Variants in SHQ1 observed in about 807,000 individuals in gnomAD.
SHQ1 encodes protein SHQ1 homolog.
A neutral mutation model predicts 53.8 loss-of-function variants in SHQ1; 49 were observed. The observed-to-expected ratio is 0.91, with a 90% CI of 0.72 to 1.16. The LOEUF (loss-of-function observed/expected upper bound fraction) is 1.16. Ranked by LOEUF, SHQ1 falls within the 50% of genes most tolerant of loss-of-function variation. The probability of loss-of-function intolerance (pLI) is 0.00; values close to 1 mark genes in which losing one functional copy is unlikely to be tolerated. For synonymous variants in SHQ1, 243 were observed against 251.0 expected, an observed-to-expected ratio of 0.97 and a Z score of 0.30; for missense variants, 738 against 683.1, an observed-to-expected ratio of 1.08 and a Z score of -0.90.
intron 1 of SHQ1, among the ~76,000 whole-genome samples, chr3:72,844,637 CT>C (rs1708276516): frequency 6.6e-6 from 1 of 152,112 alleles, no homozygotes; most frequent in African/African-American, 2.4e-5. Context: ...TTGAATACCC[CT>C]AGTCACCAAC....
At chr3:72,740,610 T>A in the SHQ1 span, among the ~76,000 whole-genome samples, 2 of 152,224 alleles carry the variant, frequency 1.3e-5, no homozygotes, top group African/African-American at 4.8e-5. Context: ...GGGAACTGGA[T>A]GTCCTCTGAG....
chr3:72,785,082 T>A (rs1478277914), intron 10 of SHQ1, among the ~76,000 whole-genome samples: 1 of 152,194 alleles, frequency 6.6e-6, no homozygotes. Context: ...CTATCCCCAC[T>A]GAAAGTAAAG....
In SHQ1 at chr3:72,811,172, TGTGA is replaced by T. The variant is rs564216954; in HGVS notation, c.1060+1495_1060+1498del. ...AAAGTAACAAGCAATAGTCTGTATA[TGTGA>T]GTGAGAGTGAGAGTGTGTGAGTGTG... On this transcript the variant is annotated intron_variant, in intron 9 of 10. Coordinates refer to ENST00000325599, the MANE Select transcript of SHQ1 (RefSeq NM_018130.3). Among the ~76,000 whole-genome samples the T allele has an allele frequency of 1.9e-3, 290 of 152,216 alleles. 2 individuals carry two copies. The highest frequency in any genetic ancestry group is 6.5e-3 in the African/African-American group (270 of 41,564).
At chr3:72,760,333 G>A (rs1705580622) in intron 10 of SHQ1, among the ~76,000 whole-genome samples, 1 of 152,186 alleles carries the variant, frequency 6.6e-6, no homozygotes, top group South Asian at 2.1e-4. Context: ...GCTCATTAGT[G>A]AATTTTTGTG....
intron 10 of SHQ1, among the ~76,000 whole-genome samples, chr3:72,762,753 C>T (rs1338806678): frequency 1.8e-4 from 28 of 152,268 alleles, no homozygotes; most frequent in Non-Finnish European, 4.4e-5. Flanking sequence ...TGGCTCACTG[C>T]AACCTCTGCC....
Position 72,841,205 on chromosome 3 carries a change from T to G in SHQ1, c.332-6A>C. The G allele has an allele frequency of 6.3e-7, 1 of 1,598,034 alleles. No individual in the cohort carries two copies. The highest frequency in any genetic ancestry group is 8.5e-7 in the Non-Finnish European group (1 of 1,175,362). The stretch of plus-strand genomic sequence containing the variant: ...CTCAGGAATCTCAGAAGCACCTGAA[T>G]GTGTTAAATTTTAATTTTTTTTAAG... On this transcript the variant is annotated splice_region_variant and splice_polypyrimidine_tract_variant and intron_variant, in intron 3 of 10. Coordinates refer to ENST00000325599, the MANE Select transcript of SHQ1 (RefSeq NM_018130.3).
the SHQ1 span, among the ~76,000 whole-genome samples, chr3:72,728,873 G>A: frequency 1.3e-5 from 2 of 152,236 alleles, no homozygotes; most frequent in Non-Finnish European, 2.9e-5. Flanking sequence ...GGACCCAGAA[G>A]CAGAAGCCTC....
rs59948195 is a variant in SHQ1, at chr3:72,792,784, C to CAAA, written c.1181+129_1181+131dup. The CAAA allele has an allele frequency of 9.1e-3, 2,349 of 258,132 alleles. 1 individual carries two copies. The highest frequency in any genetic ancestry group is 0.014 in the South Asian group (518 of 36,258). The allele number at this position is 258,132 out of a possible 1,614,324, so 16.0% of individuals were successfully genotyped here. A position where few individuals can be genotyped will look rare whatever the true frequency, so the allele number is the denominator to read the frequency against. On this transcript the variant is annotated intron_variant, in intron 10 of 10. Transcript: ENST00000325599. Reference sequence around the variant, plus strand: ...GGGTGACAAGGGCAAACCTCCATCTCAAAAAAAAAAAAAAAAAAAAAAAAA... The same window carrying CAAA: ...GGGTGACAAGGGCAAACCTCCATCTCAAAAAAAAAAAAAAAAAAAAAAAAAAAA...
At chr3:72,846,894 A>G (rs1282306463) in intron 1 of SHQ1, among the ~76,000 whole-genome samples, 4 of 152,184 alleles carry the variant, frequency 2.6e-5, no homozygotes, top group East Asian at 1.9e-4. Flanking sequence ...AATTCAATAA[A>G]TATTTGCTAC....
At chr3:72,761,102 A>G (rs771967264) in intron 10 of SHQ1, among the ~76,000 whole-genome samples, 26 of 152,228 alleles carry the variant, frequency 1.7e-4, no homozygotes, top group Non-Finnish European at 3.4e-4. Context: ...GCATTAATAT[A>G]TATCTGACAC....
Position 72,749,894 on chromosome 3 carries a change from G to A in SHQ1, c.*390C>T, listed in dbSNP as rs138588124. ...GTGGGGGGTTGGTTCCAGGACTCCT[G>A]AGGATACTAAAATCCTCAGATGCTC... is the stretch of plus-strand genomic sequence containing the variant. On this transcript the variant is annotated 3_prime_UTR_variant, in exon 11 of 11. Transcript: ENST00000325599. 440 of 234,698 alleles carry A rather than the reference G, an allele frequency of 1.9e-3. 1 individual carries two copies. Among genetic ancestry groups the A allele is most frequent in the African/African-American group, 9.2e-3 (416 of 45,130 alleles). 14.5% of individuals were successfully genotyped at this position (234,698 alleles called of 1,614,324 possible).
intron 10 of SHQ1, among the ~76,000 whole-genome samples, chr3:72,756,219 CAACA>C (rs1183940189): frequency 2.0e-5 from 3 of 152,034 alleles, no homozygotes; most frequent in Non-Finnish European, 4.4e-5. Flanking sequence ...TTGATACTCT[CAACA>C]AACACATAGG....
downstream of SHQ1, among the ~76,000 whole-genome samples, chr3:72,744,930 G>GT (rs1206416915): frequency 7.4e-6 from 1 of 134,694 alleles, no homozygotes; most frequent in Non-Finnish European, 1.6e-5. Context: ...CATTGGGGGG[G>GT]GGGGGTGGTT....
At chr3:72,832,726 A>G (rs929716335) in intron 4 of SHQ1, among the ~76,000 whole-genome samples, 2 of 152,208 alleles carry the variant, frequency 1.3e-5, no homozygotes, top group Admixed American at 1.3e-4. Flanking sequence ...ACTGACAGAT[A>G]TTAAGGCTAT....
Position 72,817,324 on chromosome 3 carries a change from A to G in SHQ1, c.788T>C (p.Leu263Pro), listed in dbSNP as rs766238616. 2 of 1,613,622 alleles carry G rather than the reference A, an allele frequency of 1.2e-6. No homozygotes were observed. Among genetic ancestry groups the G allele is most frequent in the African/African-American group, 2.7e-5 (2 of 74,920 alleles). ...LRKFVNKSYL[L>P]DKRACRQVCY... ...CACTTGACGACAGGCTCTCTTGTCC[A>G]GCAGATAAGATTTATTGACAAATTT... is the stretch of plus-strand genomic sequence containing the variant. The change falls in exon 7 of 11, where the codon CTG becomes CCG. Residue 263 changes from leucine (L) to proline (P), a missense_variant. Leu to Pro is a moderately conservative substitution (Grantham distance 98). Transcript: ENST00000325599.
At chr3:72,789,999 A>G (rs142340055) in intron 10 of SHQ1, among the ~76,000 whole-genome samples, 179 of 152,344 alleles carry the variant, frequency 1.2e-3, no homozygotes, top group African/African-American at 3.9e-3. Flanking sequence ...CTTATAAGAC[A>G]TATAACCTCA....
In SHQ1 at chr3:72,754,382, TTC is replaced by T. The variant is rs201858359; in HGVS notation, c.1182-3548_1182-3547del. The stretch of plus-strand genomic sequence containing the variant: ...AAGTGTTCTTCTCTTCTTTTTCTTC[TTC>T]TTTTTTTTTTTTTTGAGATGGATTT... On this transcript the variant is annotated intron_variant, in intron 10 of 10. Coordinates refer to ENST00000325599, the MANE Select transcript of SHQ1 (RefSeq NM_018130.3). Among the ~76,000 whole-genome samples, 814 of 149,426 alleles carry T rather than the reference TTC, an allele frequency of 5.4e-3. 8 individuals carry two copies. Among genetic ancestry groups the T allele is most frequent in the African/African-American group, 0.018 (723 of 40,048 alleles).
chr3:72,830,465 C>A (rs1327327279), intron 5 of SHQ1, among the ~76,000 whole-genome samples: 3 of 151,750 alleles, frequency 2.0e-5, no homozygotes, highest in African/African-American at 7.3e-5. Flanking sequence ...TTAAAGTGAG[C>A]CTTTTTTTCT....
At chr3:72,816,736 C>G (rs560341453) in intron 7 of SHQ1, among the ~76,000 whole-genome samples, 132 of 152,090 alleles carry the variant, frequency 8.7e-4, no homozygotes, top group Non-Finnish European at 1.7e-3. Flanking sequence ...ATCTGATTTA[C>G]ATATAATTTT....
Sources: allele counts gnomAD v4.1 joint callset (sites outside exome capture counted in the v4.1 genomes callset), GRCh38; gene constraint gnomAD v4.1.1; transcripts MANE v1.5; gene names NCBI Gene and HGNC (gene_info 2026-07-23, HGNC 2026-07-21).